RPL9: variants seen among roughly 807,000 people sequenced by gnomAD.
RPL9 encodes the protein large ribosomal subunit protein uL6.
For synonymous variants in RPL9, 82 were observed against 77.1 expected (o/e 1.06, Z -0.33); for missense variants, 149 against 236.7 (o/e 0.63, Z 2.43).
chr4:39,454,782 T>C (rs935117851), intron 6 of RPL9, 82 bp downstream of exon 6: 38 of 1,501,566 alleles, frequency 2.5e-5, no homozygotes, highest in Non-Finnish European at 3.3e-5. Flanking sequence ...GCTAATCAAA[T>C]AAAAATTAGC....
chr4:39,454,926 G>C lies in RPL9; in HGVS notation c.410C>G (p.Ser137Cys), dbSNP rs1744026732. The C allele has an allele frequency of 8.1e-6, 13 of 1,613,850 alleles. No homozygotes were observed. The highest frequency in any genetic ancestry group is 1.0e-5 in the Non-Finnish European group (12 of 1,179,906). ...GATTAATTCATCTTTCTGGGCTTGA[G>C]ATACTGAACAAGCAACACCTAAAAG... ...RMRPGVACSVSQAQKDELILE... is the reference protein window; with the variant it reads ...RMRPGVACSVCQAQKDELILE... The change falls in exon 6 of 8, where the codon TCT becomes TGT. Residue 137 changes from serine to cysteine, a missense_variant. Ser to Cys is a moderately radical substitution (Grantham distance 112). Transcript: ENST00000295955.
chr4:39,458,702 CTG>C lies in RPL9; in HGVS notation c.-2+187_-2+188del, dbSNP rs1744243248. The C allele has an allele frequency of 6.3e-6, 4 of 629,922 alleles. No individual in the cohort carries two copies. In the South Asian group the frequency reaches 7.3e-5, roughly 11 times the overall value. The allele number at this position is 629,922 out of a possible 1,614,324, so 39.0% of individuals were successfully genotyped here. On this transcript the variant is annotated intron_variant, in intron 1 of 7. Transcript: ENST00000295955. ...TGCGGGCGGTGCCATCCCGGCAAGA[CTG>C]AGGGGCGGGAATAGGCCAAAAAGCC...
chr4:39,457,719 T>C (rs778531634), intron 3 of RPL9, 38 bp from the exon 4 acceptor site: 8 of 1,533,652 alleles, frequency 5.2e-6, no homozygotes, highest in Middle Eastern at 1.7e-4. Flanking sequence ...TCCAGAAATA[T>C]GCAGGCTTAA....
chr4:39,458,062 G>A, intron 3 of RPL9, 132 bp downstream of exon 3: 2 of 885,642 alleles, frequency 2.3e-6, no homozygotes, highest in Admixed American at 2.0e-5. Flanking sequence ...TGAACAGGCT[G>A]GTATTCTGGA....
intron 3 of RPL9, 104 bp downstream of exon 3, chr4:39,458,090 G>T: frequency 9.0e-7 from 1 of 1,109,672 alleles, no homozygotes. Flanking sequence ...ATTTAAAGCT[G>T]AAGCACTGAA....
At position 39,454,666 on chromosome 4, in the gene RPL9, A is replaced by T; in HGVS notation, c.473-17T>A. The T allele has an allele frequency of 6.2e-7, 1 of 1,601,096 alleles. No individual in the cohort carries two copies. The highest frequency in any genetic ancestry group is 8.5e-7 in the Non-Finnish European group (1 of 1,171,250). ...TCAAAGCCGCTATAGGAGTGAAGAT[A>T]AAGCAATTAATACATCAGCCTAACC... On this transcript the variant is annotated splice_polypyrimidine_tract_variant and intron_variant, in intron 6 of 7. Transcript: ENST00000295955.
At chr4:39,455,460 G>C (rs951301441) in intron 5 of RPL9, among the ~76,000 whole-genome samples, 34 of 152,092 alleles carry the variant, frequency 2.2e-4, no homozygotes, top group Admixed American at 6.5e-5. Flanking sequence ...GAGGCCAAGG[G>C]GGAAGAACTG....
chr4:39,458,205 T>G lies in RPL9; in HGVS notation c.151A>C (p.Lys51Gln), dbSNP rs1390975835. The G allele has an allele frequency of 6.2e-7, 1 of 1,614,192 alleles. No homozygotes were observed. The highest frequency in any genetic ancestry group is 8.5e-7 in the Non-Finnish European group (1 of 1,180,024). ...INVELSLLGKKKKRLRVDKWW... is the reference protein window; with the variant it reads ...INVELSLLGKQKKRLRVDKWW... ...AGAAAAACCCTCACCCTCTTTTTTT[T>G]CTTTCCAAGAAGGCTGAGTTCTACA... The change falls in exon 3 of 8, where the codon AAA becomes CAA. Residue 51 changes from lysine to glutamine, a missense_variant. By Grantham distance (53) the Lys-to-Gln change is moderately conservative. Transcript: ENST00000295955.
At chr4:39,457,402 A>AT (rs1164604472) in intron 4 of RPL9, 184 bp downstream of exon 4, 2 of 544,670 alleles carry the variant, frequency 3.7e-6, no homozygotes, top group Non-Finnish European at 6.5e-6. Context: ...TGTTGTACCC[A>AT]TCTGGTCTTT....
Position 39,454,586 on chromosome 4 carries a change from A to C in RPL9, c.536T>G (p.Ile179Ser). 2 of 1,613,434 alleles carry C rather than the reference A, an allele frequency of 1.2e-6. No individual in the cohort carries two copies. The highest frequency in any genetic ancestry group is 1.7e-6 in the Non-Finnish European group (2 of 1,179,774). The change falls in exon 7 of 8, where the codon ATC becomes AGC. Residue 179 changes from isoleucine (I) to serine (S), a missense_variant. Transcript: ENST00000295955. ...AACAGTTCCTTTTTCAGAGACATAGATACCATCCAAAAATTTCCTGATATC... is the reference window on the plus strand; with the variant it reads ...AACAGTTCCTTTTTCAGAGACATAGCTACCATCCAAAAATTTCCTGATATC... ...NKDIRKFLDG[I>S]YVSEKGTVQQ...
At chr4:39,457,822 A>G in intron 3 of RPL9, 141 bp from the exon 4 acceptor site, 1 of 725,334 alleles carries the variant, frequency 1.4e-6, no homozygotes, top group Non-Finnish European at 2.4e-6. Flanking sequence ...CCAACCACCT[A>G]TAAAACCTCC....
chr4:39,458,305 G>A lies in RPL9; in HGVS notation c.51C>T (p.Asp17=). The change falls in exon 3 of 8, where the codon GAC becomes GAT. Residue 17 remains aspartate (D), a synonymous_variant. Transcript: ENST00000295955. The stretch of plus-strand genomic sequence containing the variant: ...TAACTGTGCGTCCCTTCAGAGTAAT[G>A]TCGACTAGAAGAGAGAACACACTCG... ...NQTVDIPENV[D]ITLKGRTVIV... 1 of 1,614,044 alleles carries A rather than the reference G, an allele frequency of 6.2e-7. No homozygotes were observed. The highest frequency in any genetic ancestry group is 8.5e-7 in the Non-Finnish European group (1 of 1,179,974).
At chr4:39,457,353 TAAAAAA>T in intron 4 of RPL9, 1 of 301,748 alleles carries the variant, frequency 3.3e-6, no homozygotes, top group East Asian at 6.3e-5. Context: ...CAGCCTTGAT[TAAAAAA>T]AAAAAAAACC....
chr4:39,457,413 G>T, intron 4 of RPL9, 173 bp downstream of exon 4: 1 of 560,522 alleles, frequency 1.8e-6, no homozygotes, highest in Non-Finnish European at 3.2e-6. Context: ...TCTGGTCTTT[G>T]CTCTCAGCTC....
At position 39,454,219 on chromosome 4, in the gene RPL9, C is replaced by T; in HGVS notation, c.*17G>A. The stretch of plus-strand genomic sequence containing the variant: ...TCATCTGGCATCTTCTTTCTGTAGC[C>T]AGGTAACTGTAAAAAAAGAAAAAAA... On this transcript the variant is annotated 3_prime_UTR_variant, in exon 8 of 8. Coordinates refer to ENST00000295955, the MANE Select transcript of RPL9 (RefSeq NM_000661.5). 1 of 185,218 alleles carries T rather than the reference C, an allele frequency of 5.4e-6. No individual in the cohort carries two copies. The highest frequency in any genetic ancestry group is 1.1e-5 in the Non-Finnish European group (1 of 89,028). 11.5% of individuals were successfully genotyped at this position (185,218 alleles called of 1,614,324 possible). A position where few individuals can be genotyped will look rare whatever the true frequency, so the allele number is the denominator to read the frequency against.
intron 3 of RPL9, 76 bp downstream of exon 3, chr4:39,458,118 T>C (rs1356070895): frequency 6.9e-7 from 1 of 1,443,592 alleles, no homozygotes; most frequent in Non-Finnish European, 9.6e-7. Context: ...TCGAAAATTG[T>C]TAAAGCAACC....
intron 3 of RPL9, 51 bp downstream of exon 3, chr4:39,458,143 T>C (rs1169805481): frequency 3.2e-6 from 5 of 1,581,138 alleles, no homozygotes; most frequent in Non-Finnish European, 4.3e-6. Context: ...GTGATGCTGT[T>C]ATAAACCACC....
chr4:39,456,658 A>G (rs917852196), intron 4 of RPL9, 120 bp from the exon 5 acceptor site: 8 of 1,097,024 alleles, frequency 7.3e-6, no homozygotes, highest in Admixed American at 5.0e-5. Context: ...AGATTTTCTA[A>G]TAACTGTCAC....
chr4:39,458,502 GCA>G, intron 1 of RPL9, 62 bp from the exon 2 acceptor site: 1 of 1,551,012 alleles, frequency 6.4e-7, no homozygotes, highest in Non-Finnish European at 8.9e-7. Flanking sequence ...AAACTACGCC[GCA>G]CAGAGCTCCA....
Sources: allele counts gnomAD v4.1 joint callset (sites outside exome capture counted in the v4.1 genomes callset), GRCh38; gene constraint gnomAD v4.1.1; transcripts MANE v1.5; gene names NCBI Gene and HGNC (gene_info 2026-07-23, HGNC 2026-07-21).